Variants in FAM168B observed in about 807,000 individuals in gnomAD.
FAM168B encodes myelin-associated neurite-outgrowth inhibitor.
In FAM168B, 19 loss-of-function variants were observed where a neutral mutation model predicts 21.8. The observed-to-expected ratio is 0.87, with a 90% CI of 0.61 to 1.28. FAM168B has a LOEUF of 1.28. Ranked by LOEUF, FAM168B falls within the 50% of genes most tolerant of loss-of-function variation. The probability of loss-of-function intolerance (pLI) is 0.00; values close to 1 mark genes in which losing one functional copy is unlikely to be tolerated. For synonymous variants in FAM168B, 126 were observed against 104.8 expected (o/e 1.20, Z -1.24); for missense variants, 233 against 263.1 (o/e 0.89, Z 0.79).
Position 131,051,240 on chromosome 2 carries a change from C to G in FAM168B, c.*1225G>C, listed in dbSNP as rs887512170. 1.5e-5 allele frequency: 15 copies of G among 985,090 alleles called. No individual in the cohort carries two copies. Among genetic ancestry groups the G allele is most frequent in the Non-Finnish European group, 1.4e-5 (12 of 829,916 alleles). The allele number at this position is 985,090 out of a possible 1,614,324, so 61.0% of individuals were successfully genotyped here. A position where few individuals can be genotyped will look rare whatever the true frequency, so the allele number is the denominator to read the frequency against. On this transcript the variant is annotated 3_prime_UTR_variant, in exon 7 of 7. Transcript: ENST00000389915. ...GTCCCCTCCAGCCGGCCTCAGCAGA[C>G]AAGTCACCACCATCAGGTGGGTGAT... is the stretch of plus-strand genomic sequence containing the variant.
chr2:131,050,026 C>A lies in FAM168B; in HGVS notation c.*2439G>T. 1.0e-6 allele frequency: 1 copy of A among 985,454 alleles called. No individual in the cohort carries two copies. 61.0% of individuals were successfully genotyped at this position (985,454 alleles called of 1,614,324 possible). A position where few individuals can be genotyped will look rare whatever the true frequency, so the allele number is the denominator to read the frequency against. ...TCAGAAAGATTTCTGCACGGATGTG[C>A]AATGCAAACTTATTTCATAAAGCCT... On this transcript the variant is annotated 3_prime_UTR_variant, in exon 7 of 7. Transcript: ENST00000389915.
rs1691585474 is a variant in FAM168B, at chr2:131,050,408, T to TC, written c.*2056dup. On this transcript the variant is annotated 3_prime_UTR_variant, in exon 7 of 7. Transcript: ENST00000389915. ...CCCTGGAACCGTTAGAACCTACTAA[T>TC]CCTGCCAACCATCCACTAAACAGAT... 2 of 985,640 alleles carry TC rather than the reference T, an allele frequency of 2.0e-6. No individual in the cohort carries two copies. The highest frequency in any genetic ancestry group is 1.7e-5 in the African/African-American group (1 of 57,218). 61.1% of individuals were successfully genotyped at this position (985,640 alleles called of 1,614,324 possible).
intron 3 of FAM168B, among the ~76,000 whole-genome samples, chr2:131,069,243 A>T (rs1692731458): frequency 6.6e-6 from 1 of 152,252 alleles, no homozygotes; most frequent in African/African-American, 2.4e-5. Flanking sequence ...CTCCATGAAG[A>T]AATGAGTAAA....
chr2:131,091,823 G>T (rs1443886708), intron 1 of FAM168B, among the ~76,000 whole-genome samples: 1 of 151,724 alleles, frequency 6.6e-6, no homozygotes, highest in African/African-American at 2.4e-5. Flanking sequence ...TTACGCTGGT[G>T]TACTGTTCTT....
chr2:131,076,962 G>A (rs999037558), intron 2 of FAM168B, among the ~76,000 whole-genome samples: 1 of 151,830 alleles, frequency 6.6e-6, no homozygotes. Flanking sequence ...TGGGGAAATC[G>A]TCTCACACTG....
chr2:131,059,413 C>T (rs922438094), intron 3 of FAM168B, among the ~76,000 whole-genome samples: 1 of 152,142 alleles, frequency 6.6e-6, no homozygotes, highest in African/African-American at 2.4e-5. Context: ...TTTCCCACCA[C>T]CATGCAGCAG....
At chr2:131,084,531 G>T (rs943896647) in intron 1 of FAM168B, among the ~76,000 whole-genome samples, 1 of 151,698 alleles carries the variant, frequency 6.6e-6, no homozygotes, top group East Asian at 1.9e-4. Context: ...AACTTGTTAA[G>T]TTTTTTTTCC....
chr2:131,089,090 C>G (rs1274232082), intron 1 of FAM168B, among the ~76,000 whole-genome samples: 2 of 152,040 alleles, frequency 1.3e-5, no homozygotes. Context: ...TCTCAGCCTC[C>G]TGAGTAGCTG....
chr2:131,061,805 A>T (rs369767979), intron 3 of FAM168B, among the ~76,000 whole-genome samples: 7 of 151,910 alleles, frequency 4.6e-5, no homozygotes, highest in Non-Finnish European at 8.8e-5. Context: ...AAGAAGAAGA[A>T]GATGAATACA....
At chr2:131,066,775 C>G (rs1692583354) in intron 3 of FAM168B, among the ~76,000 whole-genome samples, 2 of 152,184 alleles carry the variant, frequency 1.3e-5, no homozygotes, top group Admixed American at 6.5e-5. Flanking sequence ...GGGAGTGACA[C>G]AGTCAGGAGT....
chr2:131,079,807 C>G (rs1693341649), intron 2 of FAM168B, among the ~76,000 whole-genome samples: 1 of 152,008 alleles, frequency 6.6e-6, no homozygotes, highest in South Asian at 2.1e-4. Context: ...AATTCACTAA[C>G]AGACTTGTGG....
At chr2:131,064,385 A>C (rs1179476350) in intron 3 of FAM168B, among the ~76,000 whole-genome samples, 1 of 152,230 alleles carries the variant, frequency 6.6e-6, no homozygotes, top group African/African-American at 2.4e-5. Flanking sequence ...CAGCATCATG[A>C]AATTTCTGAA....
At chr2:131,069,928 G>A (rs913718489) in intron 3 of FAM168B, among the ~76,000 whole-genome samples, 1 of 151,672 alleles carries the variant, frequency 6.6e-6, no homozygotes, top group Admixed American at 6.6e-5. Flanking sequence ...GCACGATCTC[G>A]GCTCACTGCA....
intron 2 of FAM168B, among the ~76,000 whole-genome samples, chr2:131,078,019 C>T (rs969920326): frequency 2.0e-5 from 3 of 152,164 alleles, no homozygotes; most frequent in African/African-American, 7.2e-5. Context: ...AGCCCAGCTC[C>T]AAGTGGATTA....
At chr2:131,075,490 ACTTT>A (rs1248374654) in intron 2 of FAM168B, among the ~76,000 whole-genome samples, 31 of 144,678 alleles carry the variant, frequency 2.1e-4, no homozygotes, top group African/African-American at 2.6e-4. Context: ...TCCCATCCCC[ACTTT>A]CTTTCTTTTT....
At chr2:131,057,827 T>A (rs1692103150) in intron 3 of FAM168B, among the ~76,000 whole-genome samples, 1 of 151,028 alleles carries the variant, frequency 6.6e-6, no homozygotes. Flanking sequence ...GTGTGTGTAT[T>A]TTTTTTTTAT....
chr2:131,086,295 C>T (rs1184232124), intron 1 of FAM168B, among the ~76,000 whole-genome samples: 12 of 152,076 alleles, frequency 7.9e-5, no homozygotes, highest in Admixed American at 7.9e-4. Flanking sequence ...AATTGAATTC[C>T]AGATAAGCAA....
intron 2 of FAM168B, among the ~76,000 whole-genome samples, chr2:131,075,878 A>G (rs1435529482): frequency 3.9e-5 from 6 of 152,210 alleles, no homozygotes; most frequent in Non-Finnish European, 1.5e-5. Context: ...GCCACCAGCA[A>G]CAAGATGCAC....
chr2:131,051,817 G>A lies in FAM168B; in HGVS notation c.*648C>T. On this transcript the variant is annotated 3_prime_UTR_variant, in exon 7 of 7. Transcript: ENST00000389915. ...AGCCTAAACTCAAAGGGATGTCCAT[G>A]AACCAGCTGCACCCAAGCAGCTGTG... The A allele has an allele frequency of 2.0e-6, 2 of 985,364 alleles. No homozygotes were observed. The highest frequency in any genetic ancestry group is 2.4e-6 in the Non-Finnish European group (2 of 829,950). 61.0% of individuals were successfully genotyped at this position (985,364 alleles called of 1,614,324 possible).
Sources: gnomAD v4.1 joint callset for allele counts (sites outside exome capture counted in the v4.1 genomes callset) on GRCh38, gnomAD v4.1.1 for gene constraint, MANE v1.5 for transcripts, NCBI Gene and HGNC (gene_info 2026-07-23, HGNC 2026-07-21) for gene names.